The following RYR3 variants were observed in gnomAD, a reference collection of about 807,000 sequenced individuals.
RYR3 encodes the protein ryanodine receptor 3, also known as brain ryanodine receptor-calcium release channel.
In RYR3, 207 loss-of-function variants were observed where a neutral mutation model predicts 584.3. That is an observed-to-expected ratio of 0.35 (90% CI 0.32 to 0.40). The LOEUF (loss-of-function observed/expected upper bound fraction) is 0.40, where lower values mean the gene tolerates loss of function less well. Among genes scored for constraint, RYR3 ranks in the 10% least tolerant of loss-of-function variants. The pLI, the probability that RYR3 is intolerant of heterozygous loss-of-function variation, is 1.00. For synonymous variants in RYR3, 2,416 were observed against 2,248.5 expected (o/e 1.07, Z -2.11); for missense variants, 5,616 against 6,089.2 (o/e 0.92, Z 2.59).
At chr15:33,688,216 AG>A (rs2065154038) in intron 38 of RYR3, among the ~76,000 whole-genome samples, 1 of 5,230 alleles carries the variant, frequency 1.9e-4, no homozygotes, top group Admixed American at 5.7e-3. Context: ...CAGATTTACA[AG>A]AAAAAAAACA....
intron 43 of RYR3, among the ~76,000 whole-genome samples, chr15:33,715,327 C>G (rs546046717): frequency 6.6e-6 from 1 of 152,224 alleles, no homozygotes; most frequent in South Asian, 2.1e-4. Flanking sequence ...TAGTTTTGTT[C>G]TCAAATTTAT....
chr15:33,315,306 C>T (rs1394909302), intron 1 of RYR3, among the ~76,000 whole-genome samples: 1 of 152,194 alleles, frequency 6.6e-6, no homozygotes, highest in African/African-American at 2.4e-5. Context: ...CTCTCTGCGG[C>T]AGGGCCCATT....
intron 74 of RYR3, chr15:33,815,721 A>T: frequency 2.5e-6 from 1 of 393,852 alleles, no homozygotes; most frequent in Non-Finnish European, 4.5e-6. Flanking sequence ...CCACCTTGTG[A>T]TCATCTAACC....
chr15:33,608,108 G>A (rs2059997170), intron 18 of RYR3, among the ~76,000 whole-genome samples: 1 of 152,210 alleles, frequency 6.6e-6, no homozygotes, highest in African/African-American at 2.4e-5. Flanking sequence ...TCATTAAAGT[G>A]AAAAGGATAA....
chr15:33,848,993 G>A (rs55786211), intron 94 of RYR3: 4,934 of 152,336 alleles, frequency 0.032, 160 homozygotes, highest in Non-Finnish European at 0.039. Flanking sequence ...CTGCCACCAC[G>A]CCTGGATAAT....
intron 1 of RYR3, among the ~76,000 whole-genome samples, chr15:33,443,667 G>A (rs1414564157): frequency 6.6e-6 from 1 of 152,138 alleles, no homozygotes; most frequent in Non-Finnish European, 1.5e-5. Flanking sequence ...TGTTTTACAA[G>A]ACATGGGGCA....
intron 69 of RYR3, among the ~76,000 whole-genome samples, chr15:33,806,539 C>G (rs2076220642): frequency 6.6e-6 from 1 of 151,646 alleles, no homozygotes; most frequent in Non-Finnish European, 1.5e-5. Context: ...TTTCCACCAC[C>G]AAATTTTTAA....
In RYR3 at chr15:33,608,398, G is replaced by T. The variant is rs75365881; in HGVS notation, c.2165-4785G>T. On this transcript the variant is annotated intron_variant, in intron 18 of 103. Transcript: ENST00000634891. ...ATTAAGCCATGAAAGCCCTCACAGG[G>T]GTGGAGATTACTTTCTCTGCATGTG... 3.0e-3 allele frequency among the ~76,000 whole-genome samples: 460 copies of T among 152,236 alleles called. 13 individuals carry two copies. In the East Asian group the frequency reaches 0.065, roughly 22 times the overall value.
chr15:33,752,147 T>C (rs569706126), intron 57 of RYR3, among the ~76,000 whole-genome samples: 30 of 152,314 alleles, frequency 2.0e-4, no homozygotes, highest in African/African-American at 6.5e-4. Context: ...GTAGTATAGT[T>C]TGAAGTCAGG....
intron 1 of RYR3, among the ~76,000 whole-genome samples, chr15:33,447,792 G>C (rs936354685): frequency 2.0e-5 from 3 of 152,112 alleles, no homozygotes; most frequent in African/African-American, 2.4e-5. Flanking sequence ...AAGTTCTTTT[G>C]TTCAGCATAA....
chr15:33,786,741 AC>A (rs2074744467), intron 66 of RYR3, among the ~76,000 whole-genome samples: 1 of 152,212 alleles, frequency 6.6e-6, no homozygotes, highest in Admixed American at 6.5e-5. Flanking sequence ...TCCACCAGTA[AC>A]ATCTTTACCC....
chr15:33,642,728 A>C (rs546870300), intron 27 of RYR3, among the ~76,000 whole-genome samples: 1 of 152,224 alleles, frequency 6.6e-6, no homozygotes, highest in African/African-American at 2.4e-5. Context: ...CTATCACAAA[A>C]ATACAGAAGC....
chr15:33,577,868 A>G (rs1567579298), intron 12 of RYR3, among the ~76,000 whole-genome samples: 1 of 152,222 alleles, frequency 6.6e-6, no homozygotes, highest in Non-Finnish European at 1.5e-5. Flanking sequence ...CAATCTCTCC[A>G]TCTGACAAAA....
At chr15:33,829,112 C>T (rs2077527987) in intron 85 of RYR3, among the ~76,000 whole-genome samples, 1 of 151,960 alleles carries the variant, frequency 6.6e-6, no homozygotes. Context: ...CTTGGATTGT[C>T]ATCTGTTTAC....
At chr15:33,386,328 C>A (rs2041599291) in intron 1 of RYR3, among the ~76,000 whole-genome samples, 1 of 152,174 alleles carries the variant, frequency 6.6e-6, no homozygotes, top group African/African-American at 2.4e-5. Context: ...TACAGAACAA[C>A]TCATAAGATG....
At position 33,366,547 on chromosome 15, in the gene RYR3, A is replaced by G. The variant is rs199609720; in HGVS notation, c.51+55451A>G. On this transcript the variant is annotated intron_variant, in intron 1 of 103. Coordinates refer to ENST00000634891, the MANE Select transcript of RYR3 (RefSeq NM_001036.6). ...GCAGCAGTGGTACATCTGAACAAGA[A>G]TTAAGGGTTTTAAATGGACAGTCTA... Among the ~76,000 whole-genome samples the G allele has an allele frequency of 1.2e-3, 182 of 152,362 alleles. 1 individual carries two copies. The highest frequency in any genetic ancestry group is 4.3e-3 in the African/African-American group (178 of 41,590).
intron 64 of RYR3, among the ~76,000 whole-genome samples, chr15:33,778,170 A>AAAATAAATAAAT (rs112695825): frequency 0.019 from 2,787 of 148,386 alleles, 53 homozygotes; most frequent in South Asian, 0.032. Flanking sequence ...ACTCTGTCTC[A>AAAATAAATAAAT]AAATAAATAA....
At chr15:33,556,588 T>G (rs2057080242) in intron 10 of RYR3, among the ~76,000 whole-genome samples, 1 of 152,240 alleles carries the variant, frequency 6.6e-6, no homozygotes, top group South Asian at 2.1e-4. Context: ...GAAGATTCAG[T>G]ATTTGTCCAC....
At chr15:33,850,181 C>G (rs1171277140) in intron 94 of RYR3, 4 of 151,906 alleles carry the variant, frequency 2.6e-5, no homozygotes, top group South Asian at 2.1e-4. Context: ...GAGTTCGAGA[C>G]CAGCCTGGCC....
Sources: gnomAD v4.1 joint callset for allele counts (sites outside exome capture counted in the v4.1 genomes callset) on GRCh38, gnomAD v4.1.1 for gene constraint, MANE v1.5 for transcripts, NCBI Gene and HGNC (gene_info 2026-07-23, HGNC 2026-07-21) for gene names.